The following CBR4 variants were observed in gnomAD, a reference collection of about 807,000 sequenced individuals.
CBR4 encodes carbonyl reductase 4.
Under a neutral mutation model 21.0 loss-of-function variants are expected in CBR4, and 22 were observed. The observed-to-expected ratio is 1.05, with a 90% CI of 0.75 to 1.50. The LOEUF (loss-of-function observed/expected upper bound fraction) is 1.50, where lower values mean the gene tolerates loss of function less well. Ranked by LOEUF, CBR4 falls within the 40% of genes most tolerant of loss-of-function variation. The pLI, the probability that CBR4 is intolerant of heterozygous loss-of-function variation, is 0.00. For missense variants in CBR4, 302 were observed against 286.3 expected (o/e 1.05, Z -0.40); for synonymous variants, 100 against 104.4 (o/e 0.96, Z 0.26).
At chr4:169,004,021 A>T (rs1730686284) in intron 3 of CBR4, among the ~76,000 whole-genome samples, 1 of 152,106 alleles carries the variant, frequency 6.6e-6, no homozygotes, top group Non-Finnish European at 1.5e-5. Context: ...GGTGCAGCAC[A>T]CCAGCATGGC....
At chr4:168,924,691 A>AAAAG (rs1451651865) in intron 2 of CBR4, among the ~76,000 whole-genome samples, 2 of 152,322 alleles carry the variant, frequency 1.3e-5, no homozygotes, top group African/African-American at 4.8e-5. Flanking sequence ...CTTTAGTGAT[A>AAAAG]AAAGACTATT....
chr4:168,954,188 C>G (rs764170011), intron 2 of CBR4, among the ~76,000 whole-genome samples: 6 of 152,140 alleles, frequency 3.9e-5, no homozygotes, highest in African/African-American at 4.8e-5. Flanking sequence ...AATACACACA[C>G]ACACAAATAA....
intron 2 of CBR4, among the ~76,000 whole-genome samples, chr4:168,963,552 C>T (rs879589756): frequency 5.3e-5 from 8 of 151,082 alleles, no homozygotes; most frequent in Non-Finnish European, 1.0e-4. Context: ...CTCACTGCAA[C>T]CTTCGCCTAC....
At chr4:168,906,777 A>G (rs1757897022) in intron 2 of CBR4, among the ~76,000 whole-genome samples, 1 of 152,200 alleles carries the variant, frequency 6.6e-6, no homozygotes. Context: ...AGCGTGAGCC[A>G]CTGCCATTAG....
chr4:168,915,085 C>CT (rs528850710), intron 2 of CBR4, among the ~76,000 whole-genome samples: 96 of 152,224 alleles, frequency 6.3e-4, no homozygotes, highest in Non-Finnish European at 1.2e-3. Context: ...TCCTGGAAAG[C>CT]TTTTTTTCCC....
rs538627603 is a variant in CBR4, at chr4:169,000,518, C to A, written c.535+1553G>T. 1.2e-4 allele frequency among the ~76,000 whole-genome samples: 18 copies of A among 152,304 alleles called. No homozygotes were observed. In the South Asian group the frequency reaches 3.3e-3, roughly 28 times the overall value. ...GAAAACACCAACTGTAAGGTCCAAG[C>A]TGGAGCCATTAGTGACCGGAAAGGG... On this transcript the variant is annotated intron_variant, in intron 4 of 4. Transcript: ENST00000306193.
intron 2 of CBR4, among the ~76,000 whole-genome samples, chr4:168,949,456 G>A (rs923763779): frequency 1.3e-5 from 2 of 152,118 alleles, no homozygotes; most frequent in African/African-American, 4.8e-5. Flanking sequence ...TTCTCAGAGG[G>A]AATGCTTTCA....
At chr4:168,896,749 C>T in intron 2 of CBR4, 1 of 587,140 alleles carries the variant, frequency 1.7e-6, no homozygotes, top group Admixed American at 3.7e-5. Context: ...ATCAGATACA[C>T]AAAATTACTG....
At chr4:169,003,211 G>A (rs1730608701) in intron 3 of CBR4, among the ~76,000 whole-genome samples, 1 of 152,158 alleles carries the variant, frequency 6.6e-6, no homozygotes, top group Non-Finnish European at 1.5e-5. Flanking sequence ...CTTCTGGAAA[G>A]GATTCACCGT....
At chr4:169,000,011 G>C (rs546616043) in intron 4 of CBR4, among the ~76,000 whole-genome samples, 2 of 152,204 alleles carry the variant, frequency 1.3e-5, no homozygotes, top group African/African-American at 2.4e-5. Context: ...TGCTGCATGA[G>C]TTATTGTTAG....
rs773335164 is a variant in CBR4, at chr4:168,988,249, T to G, written c.*1901A>C. On this transcript the variant is annotated 3_prime_UTR_variant, in exon 5 of 5. Transcript: ENST00000306193. ...ACCTCTTTCAAGATCTCTCCATATATTCCACCAGTTTGAGATAGGCTGGGG... is the reference window on the plus strand; with the variant it reads ...ACCTCTTTCAAGATCTCTCCATATAGTCCACCAGTTTGAGATAGGCTGGGG... 3 of 985,452 alleles carry G rather than the reference T, an allele frequency of 3.0e-6. No individual in the cohort carries two copies. The highest frequency in any genetic ancestry group is 3.6e-6 in the Non-Finnish European group (3 of 829,926). The allele number at this position is 985,452 out of a possible 1,614,324, so 61.0% of individuals were successfully genotyped here.
At chr4:168,995,442 T>C (rs917553002) in intron 4 of CBR4, among the ~76,000 whole-genome samples, 3 of 152,080 alleles carry the variant, frequency 2.0e-5, no homozygotes, top group African/African-American at 7.2e-5. Context: ...CTCCAAGCCT[T>C]AGACAGGCAA....
At position 169,007,689 on chromosome 4, in the gene CBR4, C is replaced by T. The variant is rs1465434568; in HGVS notation, c.210G>A (p.Leu70=). Residue 70 remains leucine (L), a synonymous_variant, in exon 2 of 5, where the codon CTG becomes CTA. Transcript: ENST00000306193. ...EHDVQNTFEE[L]EKHLGRVNFL... is the part of the protein sequence containing the mutation. ...AATTTACTCGACCTAAATGTTTCTC[C>T]AGCTCTTCAAATGTATTTTGAACAT... The T allele has an allele frequency of 3.1e-6, 5 of 1,594,012 alleles. No homozygotes were observed. The highest frequency in any genetic ancestry group is 3.5e-5 in the Admixed American group (2 of 56,882).
chr4:168,896,844 A>AT (rs1755294117), intron 2 of CBR4, among the ~76,000 whole-genome samples: 1 of 151,848 alleles, frequency 6.6e-6, no homozygotes, highest in Non-Finnish European at 1.5e-5. Context: ...TTATTTATTT[A>AT]TTTTGAGATG....
chr4:168,909,386 C>A (rs1202648921), intron 2 of CBR4, among the ~76,000 whole-genome samples: 1 of 152,036 alleles, frequency 6.6e-6, no homozygotes, highest in East Asian at 1.9e-4. Context: ...AAATAATTGG[C>A]CTTGCACAAG....
At chr4:168,922,735 A>C (rs914671544) in intron 2 of CBR4, among the ~76,000 whole-genome samples, 2 of 152,204 alleles carry the variant, frequency 1.3e-5, no homozygotes, top group Admixed American at 1.3e-4. Context: ...AAAGTACTCT[A>C]TATTCTTACA....
chr4:169,008,907 T>C (rs1192611876), intron 1 of CBR4: 2 of 448,932 alleles, frequency 4.5e-6, no homozygotes, highest in Non-Finnish European at 8.9e-6. Context: ...GAACAGGTGA[T>C]ACCAAACCGA....
At chr4:168,956,881 T>C (rs1469921490) in intron 2 of CBR4, among the ~76,000 whole-genome samples, 1 of 152,144 alleles carries the variant, frequency 6.6e-6, no homozygotes, top group Non-Finnish European at 1.5e-5. Flanking sequence ...CGTGAAACCC[T>C]ATACTGAGAT....
chr4:169,009,885 G>C, intron 1 of CBR4, 63 bp downstream of exon 1: 1 of 1,476,458 alleles, frequency 6.8e-7, no homozygotes, highest in East Asian at 2.4e-5. Flanking sequence ...TTTTACAAAG[G>C]AGATTTTCTT....
Sources: gnomAD v4.1 joint callset for allele counts (sites outside exome capture counted in the v4.1 genomes callset) on GRCh38, gnomAD v4.1.1 for gene constraint, MANE v1.5 for transcripts, NCBI Gene and HGNC (gene_info 2026-07-23, HGNC 2026-07-21) for gene names.